Variants in EXOC4 observed in about 807,000 individuals in gnomAD.
The protein encoded by EXOC4 is exocyst complex component 4, also known as SEC8-like 1.
A neutral mutation model predicts 107.2 loss-of-function variants in EXOC4; 71 were observed. The ratio of observed to expected loss-of-function variants is 0.66; its 90% CI spans 0.55 to 0.81. EXOC4 has a LOEUF of 0.81. Among genes scored for constraint, EXOC4 ranks in the 30% least tolerant of loss-of-function variants. The pLI, the probability that EXOC4 is intolerant of heterozygous loss-of-function variation, is 0.00. For missense variants in EXOC4, 1,108 were observed against 1,189.6 expected, an observed-to-expected ratio of 0.93 and a Z score of 1.01; for synonymous variants, 456 against 441.2, an observed-to-expected ratio of 1.03 and a Z score of -0.42.
chr7:133,690,950 G>T (rs1409234289), intron 10 of EXOC4, among the ~76,000 whole-genome samples: 1 of 152,094 alleles, frequency 6.6e-6, no homozygotes, highest in African/African-American at 2.4e-5. Context: ...GATAAGAGTT[G>T]CTCTCCTTTC....
chr7:133,970,464 G>GT (rs1554428868), intron 14 of EXOC4, among the ~76,000 whole-genome samples: 1 of 152,056 alleles, frequency 6.6e-6, no homozygotes, highest in African/African-American at 2.4e-5. Context: ...GAAACCCAGG[G>GT]CCTGGTGGTG....
At chr7:133,817,020 T>G (rs968326368) in intron 10 of EXOC4, among the ~76,000 whole-genome samples, 5 of 152,188 alleles carry the variant, frequency 3.3e-5, no homozygotes, top group African/African-American at 1.2e-4. Flanking sequence ...AATTTGTGTT[T>G]TTTGTTTTTC....
intron 10 of EXOC4, among the ~76,000 whole-genome samples, chr7:133,706,608 CA>C (rs1409473812): frequency 2.6e-5 from 4 of 152,138 alleles, no homozygotes; most frequent in Non-Finnish European, 5.9e-5. Flanking sequence ...CCAGTACATC[CA>C]AAATACTATC....
At chr7:134,043,080 A>C (rs1795559206) in intron 17 of EXOC4, among the ~76,000 whole-genome samples, 1 of 151,908 alleles carries the variant, frequency 6.6e-6, no homozygotes, top group Non-Finnish European at 1.5e-5. Flanking sequence ...CCCTTCCCCC[A>C]CTGCAGTCTC....
intron 14 of EXOC4, among the ~76,000 whole-genome samples, chr7:133,992,329 C>T (rs1421685495): frequency 6.6e-6 from 1 of 151,954 alleles, no homozygotes; most frequent in East Asian, 1.9e-4. Context: ...GTTGCCTAGG[C>T]TGGAATGCAG....
At chr7:134,097,343 G>A in the EXOC4 span, among the ~76,000 whole-genome samples, 5 of 151,536 alleles carry the variant, frequency 3.3e-5, no homozygotes, top group Non-Finnish European at 7.4e-5. Context: ...CCCAATTTAA[G>A]GTAAGCTAAA....
chr7:133,622,636 A>G (rs1802361673), intron 9 of EXOC4, among the ~76,000 whole-genome samples: 1 of 152,048 alleles, frequency 6.6e-6, no homozygotes, highest in Non-Finnish European at 1.5e-5. Context: ...GACATAACCT[A>G]TATATTGTTT....
chr7:133,973,529 G>C (rs1284730183), intron 14 of EXOC4, among the ~76,000 whole-genome samples: 2 of 152,134 alleles, frequency 1.3e-5, no homozygotes, highest in Non-Finnish European at 2.9e-5. Flanking sequence ...GCTTACTATA[G>C]GGGAGCAGCA....
In EXOC4 at chr7:134,064,551, C is replaced by CT; in HGVS notation, c.*23_*24insT. On this transcript the variant is annotated 3_prime_UTR_variant, in exon 18 of 18. Coordinates refer to ENST00000253861, the MANE Select transcript of EXOC4 (RefSeq NM_021807.4). ...TAGCAGGGCGTACTGCGGTTGGTGACGGGGGTCCCCTCAGTCACACTCACT... is the reference window on the plus strand; with the variant it reads ...TAGCAGGGCGTACTGCGGTTGGTGACTGGGGGTCCCCTCAGTCACACTCACT... 6.7e-7 allele frequency: 1 copy of CT among 1,498,148 alleles called. No homozygotes were observed. 92.8% of individuals were successfully genotyped at this position (1,498,148 alleles called of 1,614,324 possible).
intron 9 of EXOC4, among the ~76,000 whole-genome samples, chr7:133,541,002 A>G (rs1011356255): frequency 6.6e-6 from 1 of 152,218 alleles, no homozygotes; most frequent in Non-Finnish European, 1.5e-5. Flanking sequence ...AAGGTTTTAC[A>G]TTAAGATATG....
intron 12 of EXOC4, among the ~76,000 whole-genome samples, chr7:133,913,567 GGAT>G (rs1799742221): frequency 6.6e-6 from 1 of 152,166 alleles, no homozygotes; most frequent in Non-Finnish European, 1.5e-5. Context: ...TGGGTAATTA[GGAT>G]GACTCTGCAT....
chr7:133,568,037 A>G (rs888911511), intron 9 of EXOC4, among the ~76,000 whole-genome samples: 1 of 152,200 alleles, frequency 6.6e-6, no homozygotes, highest in Non-Finnish European at 1.5e-5. Flanking sequence ...TTACATTCTT[A>G]TCAATACATT....
intron 17 of EXOC4, among the ~76,000 whole-genome samples, chr7:134,046,131 C>G (rs1795644537): frequency 6.6e-6 from 1 of 152,140 alleles, no homozygotes; most frequent in Admixed American, 6.5e-5. Flanking sequence ...CTTGATTCCT[C>G]TTGACAAAGA....
intron 7 of EXOC4, among the ~76,000 whole-genome samples, chr7:133,382,448 G>A (rs1279337762): frequency 6.6e-6 from 1 of 152,128 alleles, no homozygotes; most frequent in African/African-American, 2.4e-5. Flanking sequence ...AATATTTAAT[G>A]TTCATTTATA....
chr7:134,087,728 G>A, the EXOC4 span, among the ~76,000 whole-genome samples: 1 of 152,028 alleles, frequency 6.6e-6, no homozygotes, highest in Non-Finnish European at 1.5e-5. Flanking sequence ...CTTAATTACA[G>A]GAAATAAACT....
intron 17 of EXOC4, among the ~76,000 whole-genome samples, chr7:134,029,229 C>T (rs1282485793): frequency 6.6e-6 from 1 of 152,166 alleles, no homozygotes; most frequent in South Asian, 2.1e-4. Flanking sequence ...TGCGTCTTTC[C>T]CTATAACTTT....
rs1208607193 is a variant in EXOC4, at chr7:133,856,768, T to A, written c.1735-38831T>A. ...GCCTCTTGGGCCCTACTTGATAGGT[T>A]CTTATCTAAAGCCATAAATGCAATA... is the stretch of plus-strand genomic sequence containing the variant. On this transcript the variant is annotated intron_variant, in intron 11 of 17. Transcript: ENST00000253861. Among the ~76,000 whole-genome samples, 12 of 152,154 alleles carry A rather than the reference T, an allele frequency of 7.9e-5. No homozygotes were observed. In the East Asian group the frequency reaches 2.1e-3, roughly 27 times the overall value.
intron 7 of EXOC4, among the ~76,000 whole-genome samples, chr7:133,424,267 G>A (rs533246335): frequency 6.6e-6 from 1 of 152,020 alleles, no homozygotes; most frequent in Non-Finnish European, 1.5e-5. Context: ...ACACTCTTAT[G>A]AGCTGTAACA....
the EXOC4 span, among the ~76,000 whole-genome samples, chr7:134,078,410 T>A: frequency 0.22 from 32,912 of 151,946 alleles, 5,464 homozygotes; most frequent in African/African-American, 0.47. Context: ...CCCCTACAAG[T>A]TGCCACACAT....
Sources: gnomAD v4.1 joint callset for allele counts (sites outside exome capture counted in the v4.1 genomes callset) on GRCh38, gnomAD v4.1.1 for gene constraint, MANE v1.5 for transcripts, NCBI Gene and HGNC (gene_info 2026-07-23, HGNC 2026-07-21) for gene names.